DCLK1: variants seen among roughly 807,000 people sequenced by gnomAD.
The protein encoded by DCLK1 is doublecortin like kinase 1.
Under a neutral mutation model 86.2 loss-of-function variants are expected in DCLK1, and 16 were observed. The ratio of observed to expected loss-of-function variants is 0.19; its 90% CI spans 0.13 to 0.28. The LOEUF is 0.28. DCLK1 is among the 10% of genes least tolerant of loss of function. The probability of loss-of-function intolerance (pLI) is 1.00; values close to 1 mark genes in which losing one functional copy is unlikely to be tolerated. For missense variants in DCLK1, 590 were observed against 940.2 expected (o/e 0.63, Z 4.87); for synonymous variants, 369 against 370.5 (o/e 1.00, Z 0.05).
intron 4 of DCLK1, among the ~76,000 whole-genome samples, chr13:35,896,506 C>A (rs1481542342): frequency 7.6e-6 from 1 of 131,164 alleles, no homozygotes; most frequent in Non-Finnish European, 1.5e-5. Context: ...CCATTGCACC[C>A]CAGCCGGGGC....
At chr13:35,986,300 CAAAAAAAA>C (rs60156251) in intron 3 of DCLK1, among the ~76,000 whole-genome samples, 1 of 44,400 alleles carries the variant, frequency 2.3e-5, no homozygotes, top group African/African-American at 1.0e-4. Context: ...GACTCCGTCT[CAAAAAAAA>C]AAAAAAAAAA....
At chr13:35,806,458 A>C (rs765248691) in intron 14 of DCLK1, among the ~76,000 whole-genome samples, 13 of 152,228 alleles carry the variant, frequency 8.5e-5, no homozygotes, top group Non-Finnish European at 1.6e-4. Flanking sequence ...ATGGACTTGG[A>C]CCAGGAATGC....
chr13:35,933,220 C>T (rs1397847636), intron 4 of DCLK1, among the ~76,000 whole-genome samples: 1 of 152,234 alleles, frequency 6.6e-6, no homozygotes, highest in African/African-American at 2.4e-5. Context: ...GGCCCTGTGG[C>T]TTTGCAAGGT....
At chr13:36,018,796 T>C (rs1881638253) in intron 3 of DCLK1, among the ~76,000 whole-genome samples, 1 of 152,190 alleles carries the variant, frequency 6.6e-6, no homozygotes, top group Non-Finnish European at 1.5e-5. Flanking sequence ...CCATATTTAC[T>C]TTGCTGTGAT....
At chr13:35,807,704 C>CT (rs1035984771) in intron 14 of DCLK1, among the ~76,000 whole-genome samples, 14 of 152,266 alleles carry the variant, frequency 9.2e-5, no homozygotes, top group Admixed American at 5.9e-4. Context: ...TTATATCTAT[C>CT]TTTTTTTGGG....
chr13:36,050,072 A>G (rs1021288810), intron 3 of DCLK1, among the ~76,000 whole-genome samples: 13 of 152,194 alleles, frequency 8.5e-5, no homozygotes, highest in Admixed American at 8.5e-4. Flanking sequence ...CAGTCAGCTC[A>G]AGTGAGCTGG....
chr13:35,876,418 G>T (rs1872595151), intron 4 of DCLK1, among the ~76,000 whole-genome samples: 1 of 152,128 alleles, frequency 6.6e-6, no homozygotes, highest in Non-Finnish European at 1.5e-5. Flanking sequence ...TCCAGCTGAA[G>T]AATATTGCAG....
intron 3 of DCLK1, among the ~76,000 whole-genome samples, chr13:36,050,060 A>G (rs1883068773): frequency 6.6e-6 from 1 of 152,210 alleles, no homozygotes; most frequent in South Asian, 2.1e-4. Flanking sequence ...TGGAAATTTT[A>G]ACAGTCAGCT....
At chr13:36,114,526 A>C (rs1885715348) in intron 2 of DCLK1, among the ~76,000 whole-genome samples, 1 of 152,258 alleles carries the variant, frequency 6.6e-6, no homozygotes, top group Admixed American at 6.5e-5. Flanking sequence ...CTGTGACACT[A>C]TTCAGGAATT....
At chr13:36,076,808 T>A (rs558308497) in intron 3 of DCLK1, among the ~76,000 whole-genome samples, 25 of 152,334 alleles carry the variant, frequency 1.6e-4, no homozygotes, top group African/African-American at 6.0e-4. Context: ...GTCACCTCTG[T>A]CTTCTACATA....
At chr13:36,006,335 G>A (rs557130545) in intron 3 of DCLK1, among the ~76,000 whole-genome samples, 1 of 152,304 alleles carries the variant, frequency 6.6e-6, no homozygotes, top group Non-Finnish European at 1.5e-5. Context: ...ACAGTTTAGA[G>A]AAATGCTGTG....
At chr13:35,837,453 C>A (rs1166838041) in intron 7 of DCLK1, among the ~76,000 whole-genome samples, 1 of 152,128 alleles carries the variant, frequency 6.6e-6, no homozygotes, top group Non-Finnish European at 1.5e-5. Flanking sequence ...CTAACCCCAT[C>A]TCACCCCTCT....
chr13:35,886,367 A>G (rs1873244402), intron 4 of DCLK1, among the ~76,000 whole-genome samples: 1 of 152,168 alleles, frequency 6.6e-6, no homozygotes. Flanking sequence ...AAAATACGGC[A>G]GCCAATCGTG....
intron 4 of DCLK1, among the ~76,000 whole-genome samples, chr13:35,918,427 G>A (rs982496820): frequency 5.3e-5 from 8 of 152,168 alleles, no homozygotes; most frequent in Non-Finnish European, 1.2e-4. Flanking sequence ...CATGGAGAGT[G>A]TTCCAAACAT....
At chr13:35,834,250 C>A (rs755210200) in intron 8 of DCLK1, among the ~76,000 whole-genome samples, 1 of 152,172 alleles carries the variant, frequency 6.6e-6, no homozygotes, top group African/African-American at 2.4e-5. Context: ...TATAAGCACA[C>A]ATTTATTTGC....
At chr13:35,939,324 A>G (rs147420766) in intron 4 of DCLK1, among the ~76,000 whole-genome samples, 75 of 152,356 alleles carry the variant, frequency 4.9e-4, no homozygotes, top group Middle Eastern at 3.4e-3. Context: ...CAGATTTTAT[A>G]TCCTTTTCTC....
At chr13:35,958,310 CACT>C (rs1158419435) in intron 3 of DCLK1, among the ~76,000 whole-genome samples, 1 of 4,148 alleles carries the variant, frequency 2.4e-4, no homozygotes, top group Non-Finnish European at 9.9e-4. Context: ...TAATAAACAC[CACT>C]ACCACCACCA....
chr13:35,866,345 C>T (rs1012267828), intron 5 of DCLK1, among the ~76,000 whole-genome samples: 6 of 151,990 alleles, frequency 3.9e-5, no homozygotes, highest in African/African-American at 1.5e-4. Context: ...ATAATACGCT[C>T]CAATTTCTGT....
At chr13:36,091,134 G>T (rs1884811916) in intron 3 of DCLK1, among the ~76,000 whole-genome samples, 1 of 152,098 alleles carries the variant, frequency 6.6e-6, no homozygotes, top group African/African-American at 2.4e-5. Flanking sequence ...CATTCTGTTG[G>T]TTGCGGGTTC....
Sources: gnomAD v4.1 joint callset for allele counts (sites outside exome capture counted in the v4.1 genomes callset) on GRCh38, gnomAD v4.1.1 for gene constraint, MANE v1.5 for transcripts, NCBI Gene and HGNC (gene_info 2026-07-23, HGNC 2026-07-21) for gene names.